AP4E1: variants seen among roughly 807,000 people sequenced by gnomAD.
The protein encoded by AP4E1 is adaptor related protein complex 4 subunit epsilon 1.
Under a neutral mutation model 128.2 loss-of-function variants are expected in AP4E1, and 56 were observed. The observed-to-expected ratio is 0.44, with a 90% CI of 0.35 to 0.55. The LOEUF (loss-of-function observed/expected upper bound fraction) is 0.55. Ranked by LOEUF, AP4E1 falls within the 20% of genes least tolerant of loss-of-function variation. AP4E1 has a pLI of 0.00. For synonymous variants in AP4E1, 484 were observed against 473.1 expected (o/e 1.02, Z -0.30); for missense variants, 1,324 against 1,307.7 (o/e 1.01, Z -0.19).
chr15:50,920,877 C>T (rs772986261), intron 3 of AP4E1, among the ~76,000 whole-genome samples: 2 of 152,336 alleles, frequency 1.3e-5, no homozygotes, highest in African/African-American at 4.8e-5. Context: ...CGGCTTACTG[C>T]AATCTCTACC....
chr15:50,929,261 T>C (rs773151215), intron 6 of AP4E1, 93 bp downstream of exon 6: 2 of 1,344,384 alleles, frequency 1.5e-6, no homozygotes, highest in Non-Finnish European at 2.1e-6. Flanking sequence ...GTAAAATGCT[T>C]AGTTAACATT....
rs760668736 is a variant in AP4E1, at chr15:50,968,349, C to A, written c.1938C>A (p.Arg646=). ...CGCCTTACAAACCTCCCCATCAACG[C>A]CAGGAGGAAAAGCTTTCTCAGGAAA... The part of the protein sequence containing the change: ...GAAPYKPPHQ[R]QEEKLSQEKV... Residue 646 remains arginine, a synonymous_variant, in exon 15 of 21, where the codon CGC becomes CGA. Coordinates refer to ENST00000261842, the MANE Select transcript of AP4E1 (RefSeq NM_007347.5). 14 of 1,613,174 alleles carry A rather than the reference C, an allele frequency of 8.7e-6. No individual in the cohort carries two copies. Among genetic ancestry groups the A allele is most frequent in the Non-Finnish European group, 1.1e-5 (13 of 1,179,566 alleles).
intron 3 of AP4E1, among the ~76,000 whole-genome samples, chr15:50,920,098 T>G (rs373162974): frequency 1.5e-5 from 2 of 131,426 alleles, no homozygotes; most frequent in Non-Finnish European, 3.3e-5. Flanking sequence ...AAAAAAAAGA[T>G]AAAATTTATG....
rs771464288 is a variant in AP4E1, at chr15:50,993,579, C to T, written c.2300C>T (p.Ala767Val). 2 of 1,613,836 alleles carry T rather than the reference C, an allele frequency of 1.2e-6. No individual in the cohort carries two copies. The highest frequency in any genetic ancestry group is 4.5e-5 in the East Asian group (2 of 44,874). ...GAGGAGAAAGAAAAGCAGCTGCTGGCATCATCATTATTTGTTGGTCTAGGA... is the reference window on the plus strand; with the variant it reads ...GAGGAGAAAGAAAAGCAGCTGCTGGTATCATCATTATTTGTTGGTCTAGGA... ...SKEEKEKQLL[A>V]SSLFVGLGSE... The change falls in exon 17 of 21, where the codon GCA becomes GTA. Residue 767 changes from alanine (A) to valine (V), a missense_variant. Physicochemically the swap from Ala to Val is moderately conservative, Grantham distance 64 (BLOSUM62 0). Transcript: ENST00000261842.
chr15:50,962,745 A>G (rs937685352), intron 14 of AP4E1, among the ~76,000 whole-genome samples: 3 of 152,052 alleles, frequency 2.0e-5, no homozygotes, highest in African/African-American at 4.8e-5. Flanking sequence ...GACAAAAATG[A>G]CAAATGGGAC....
At chr15:50,908,000 C>A (rs1159781812), upstream of AP4E1, among the ~76,000 whole-genome samples, 1 of 152,236 alleles carries the variant, frequency 6.6e-6, no homozygotes, top group African/African-American at 2.4e-5. Flanking sequence ...TCCTTGCCCG[C>A]CGGGCCAGGG....
At chr15:50,964,206 C>A (rs999078644) in intron 14 of AP4E1, among the ~76,000 whole-genome samples, 1 of 152,006 alleles carries the variant, frequency 6.6e-6, no homozygotes, top group African/African-American at 2.4e-5. Flanking sequence ...TTATTTTTGT[C>A]TGGTTTATTT....
intron 14 of AP4E1, among the ~76,000 whole-genome samples, chr15:50,963,021 G>A (rs971542391): frequency 6.6e-5 from 10 of 151,630 alleles, no homozygotes; most frequent in Non-Finnish European, 1.0e-4. Flanking sequence ...CTAATCATCC[G>A]GGAGATGTAA....
rs2065001373 is a variant in AP4E1 at position 51,004,752 on chromosome 15, A to G, written c.*2090A>G. The G allele has an allele frequency of 6.6e-6, 1 of 152,578 alleles. No individual in the cohort carries two copies. The highest frequency in any genetic ancestry group is 6.5e-5 in the Admixed American group (1 of 15,284). 9.5% of individuals were successfully genotyped at this position (152,578 alleles called of 1,614,324 possible). ...ATTTTTATGATTTTAAAAACAAACA[A>G]TAATAGAAAAACAGATTTTAAGGAA... On this transcript the variant is annotated 3_prime_UTR_variant, in exon 21 of 21. Coordinates refer to ENST00000261842, the MANE Select transcript of AP4E1 (RefSeq NM_007347.5).
intron 3 of AP4E1, among the ~76,000 whole-genome samples, chr15:50,916,177 G>C (rs2063628714): frequency 6.6e-6 from 1 of 152,156 alleles, no homozygotes; most frequent in South Asian, 2.1e-4. Context: ...TGATCCACAC[G>C]CCTTGGCCTC....
At chr15:50,982,504 G>A (rs911465971) in intron 15 of AP4E1, among the ~76,000 whole-genome samples, 3 of 152,180 alleles carry the variant, frequency 2.0e-5, no homozygotes, top group African/African-American at 7.2e-5. Flanking sequence ...AAGCTTGGCT[G>A]TATGTATAAA....
chr15:50,912,364 GTGA>G lies in AP4E1; in HGVS notation c.222+223_222+225del, dbSNP rs200942832. Among the ~76,000 whole-genome samples, 1,495 of 152,364 alleles carry G rather than the reference GTGA, an allele frequency of 9.8e-3. 31 individuals carry two copies. Among genetic ancestry groups the G allele is most frequent in the African/African-American group, 0.035 (1,435 of 41,580 alleles). On this transcript the variant is annotated intron_variant, in intron 2 of 20. Coordinates refer to ENST00000261842, the MANE Select transcript of AP4E1 (RefSeq NM_007347.5). ...TTGCCTATGTGAAGTCAGGGCTAAT[GTGA>G]TGATGATTACATAAATGTGGAGATA...
chr15:50,935,567 T>C (rs991801098), intron 8 of AP4E1, among the ~76,000 whole-genome samples: 3 of 152,122 alleles, frequency 2.0e-5, no homozygotes, highest in African/African-American at 7.2e-5. Flanking sequence ...GTAGAACAGT[T>C]TGAATTTTGC....
intron 14 of AP4E1, among the ~76,000 whole-genome samples, chr15:50,959,783 A>G (rs532755685): frequency 1.1e-4 from 16 of 152,370 alleles, no homozygotes; most frequent in African/African-American, 2.9e-4. Context: ...TCAACTATCC[A>G]TAACAACCTT....
chr15:50,998,984 C>A (rs538656650), intron 18 of AP4E1, 88 bp from the exon 19 acceptor site: 8 of 1,236,160 alleles, frequency 6.5e-6, no homozygotes, highest in Middle Eastern at 2.0e-4. Flanking sequence ...TGATTTGTGC[C>A]ACTTCAATTA....
chr15:50,977,320 A>G (rs1205932116), intron 15 of AP4E1, among the ~76,000 whole-genome samples: 5 of 152,156 alleles, frequency 3.3e-5, no homozygotes, highest in Non-Finnish European at 5.9e-5. Context: ...TTTGTTTCTT[A>G]AAATAAGCTA....
intron 15 of AP4E1, among the ~76,000 whole-genome samples, chr15:50,970,753 G>T (rs1031081240): frequency 2.6e-5 from 4 of 152,106 alleles, no homozygotes; most frequent in Admixed American, 6.5e-5. Flanking sequence ...TGTGTCTTTA[G>T]AGGTGAGGTG....
At chr15:50,932,755 G>A (rs1454224338) in intron 7 of AP4E1, among the ~76,000 whole-genome samples, 2 of 152,170 alleles carry the variant, frequency 1.3e-5, no homozygotes, top group Non-Finnish European at 2.9e-5. Flanking sequence ...CTACATCACT[G>A]TTGGTATTAT....
At chr15:50,913,965 A>G (rs1897162211) in intron 2 of AP4E1, among the ~76,000 whole-genome samples, 1 of 152,002 alleles carries the variant, frequency 6.6e-6, no homozygotes, top group Non-Finnish European at 1.5e-5. Context: ...TTACAGGCGC[A>G]GGTCCCCACG....
Sources: allele counts gnomAD v4.1 joint callset (sites outside exome capture counted in the v4.1 genomes callset), GRCh38; gene constraint gnomAD v4.1.1; transcripts MANE v1.5; gene names NCBI Gene and HGNC (gene_info 2026-07-23, HGNC 2026-07-21).